Variants in CRACD observed in about 807,000 individuals in gnomAD.
The protein encoded by CRACD is capping protein-inhibiting regulator of actin dynamics.
In CRACD, 56 loss-of-function variants were observed where a neutral mutation model predicts 106.8. That is an observed-to-expected ratio of 0.52 (90% confidence interval 0.42 to 0.66). CRACD has a LOEUF of 0.66. Ranked by LOEUF, CRACD falls within the 30% of genes least tolerant of loss-of-function variation. CRACD has a pLI of 0.00. For missense variants in CRACD, 1,730 were observed against 1,623.2 expected (o/e 1.07, Z -1.13); for synonymous variants, 754 against 670.8 (o/e 1.12, Z -1.92).
At chr4:56,105,082 G>T (rs1263672161) in intron 1 of CRACD, among the ~76,000 whole-genome samples, 1 of 151,860 alleles carries the variant, frequency 6.6e-6, no homozygotes, top group Non-Finnish European at 1.5e-5. Context: ...TCTTTCAAAT[G>T]ACTCTTTACA....
chr4:56,160,135 T>C (rs568496763), intron 1 of CRACD, among the ~76,000 whole-genome samples: 1 of 151,898 alleles, frequency 6.6e-6, no homozygotes, highest in East Asian at 1.9e-4. Context: ...ATTTGTCTAA[T>C]GTAAGCAATT....
chr4:56,249,292 T>C (rs1465469899), intron 2 of CRACD, among the ~76,000 whole-genome samples: 1 of 147,436 alleles, frequency 6.8e-6, no homozygotes, highest in African/African-American at 2.5e-5. Context: ...TGGTATCTCA[T>C]TGTGGTTTTG....
Position 56,280,566 on chromosome 4 carries a change from A to G in CRACD, c.-17+8074A>G, listed in dbSNP as rs568973345. ...CTAAAAGTAAGCTTTGTGACTTGCC[A>G]TTCGTTGTATTTCCCGCCTCTAACG... On this transcript the variant is annotated intron_variant, in intron 3 of 10. Transcript: ENST00000682029. Among the ~76,000 whole-genome samples the G allele has an allele frequency of 1.1e-4, 17 of 152,248 alleles. 1 individual carries two copies. The East Asian group carries it at 2.9e-3, about 26-fold the overall frequency.
At chr4:56,134,205 GA>G (rs67089674) in intron 1 of CRACD, among the ~76,000 whole-genome samples, 29,510 of 138,250 alleles carry the variant, frequency 0.21, 3,107 homozygotes, top group East Asian at 0.41. Flanking sequence ...GTCTCAAAAA[GA>G]AAAAAAAAAA....
intron 10 of CRACD, among the ~76,000 whole-genome samples, chr4:56,324,888 A>C (rs775530376): frequency 5.7e-4 from 87 of 152,364 alleles, no homozygotes; most frequent in Middle Eastern, 3.4e-3. Context: ...TACAAAGTTA[A>C]GTTAAATGTT....
intron 1 of CRACD, among the ~76,000 whole-genome samples, chr4:56,132,539 A>ATAT (rs1734859545): frequency 6.6e-6 from 1 of 152,040 alleles, no homozygotes; most frequent in Non-Finnish European, 1.5e-5. Flanking sequence ...GGGTTTCACC[A>ATAT]TATTGCCCAG....
chr4:56,114,372 TA>T (rs912331921), intron 1 of CRACD, among the ~76,000 whole-genome samples: 1 of 151,614 alleles, frequency 6.6e-6, no homozygotes, highest in Non-Finnish European at 1.5e-5. Flanking sequence ...CTGGCCCCTT[TA>T]AAAAAAACTT....
chr4:56,201,701 AG>A (rs1737888866), intron 2 of CRACD, among the ~76,000 whole-genome samples: 1 of 152,346 alleles, frequency 6.6e-6, no homozygotes, highest in East Asian at 1.9e-4. Flanking sequence ...TTGTTTTTCA[AG>A]TCCATAGAAA....
chr4:56,136,020 A>G (rs1734988149), intron 1 of CRACD, among the ~76,000 whole-genome samples: 1 of 149,382 alleles, frequency 6.7e-6, no homozygotes, highest in African/African-American at 2.5e-5. Flanking sequence ...TACAGTATGT[A>G]CTCTTTTTTT....
intron 4 of CRACD, among the ~76,000 whole-genome samples, chr4:56,300,869 G>A (rs996360134): frequency 2.0e-5 from 3 of 152,150 alleles, no homozygotes; most frequent in Non-Finnish European, 4.4e-5. Flanking sequence ...ACAGTAAGGC[G>A]TGATTTTAAA....
At chr4:56,317,417 A>G (rs1745748028) in intron 8 of CRACD, among the ~76,000 whole-genome samples, 1 of 152,186 alleles carries the variant, frequency 6.6e-6, no homozygotes, top group African/African-American at 2.4e-5. Context: ...GTGTGTCTGC[A>G]GTTCACTCTT....
intron 1 of CRACD, among the ~76,000 whole-genome samples, chr4:56,168,847 T>C (rs1736249487): frequency 6.6e-6 from 1 of 152,088 alleles, no homozygotes; most frequent in Admixed American, 6.5e-5. Context: ...TTTTCCCCCA[T>C]CATACTACTG....
chr4:56,260,208 C>A (rs1369542774), intron 2 of CRACD, among the ~76,000 whole-genome samples: 2 of 152,134 alleles, frequency 1.3e-5, no homozygotes, highest in Non-Finnish European at 2.9e-5. Context: ...TTGTTTTCTT[C>A]CCTTTGTTAT....
chr4:56,122,225 CG>C (rs1734508769), intron 1 of CRACD, among the ~76,000 whole-genome samples: 1 of 148,922 alleles, frequency 6.7e-6, no homozygotes, highest in African/African-American at 2.5e-5. Context: ...AGGAGATTAG[CG>C]ATACTAAATT....
At chr4:56,161,766 C>CTTTT in intron 1 of CRACD, among the ~76,000 whole-genome samples, 1 of 98,902 alleles carries the variant, frequency 1.0e-5, no homozygotes, top group Non-Finnish European at 1.9e-5. Flanking sequence ...AGCCAAAGAG[C>CTTTT]ATTTTTTTTT....
intron 2 of CRACD, among the ~76,000 whole-genome samples, chr4:56,202,717 A>G (rs1481341792): frequency 2.0e-5 from 3 of 152,198 alleles, no homozygotes; most frequent in African/African-American, 7.2e-5. Context: ...TCTAAAGTAT[A>G]TGGAAATAGT....
At position 56,314,554 on chromosome 4, in the gene CRACD, A is replaced by C; in HGVS notation, c.1052A>C (p.Glu351Ala). Residue 351 changes from glutamate to alanine, a missense_variant, in exon 8 of 11, where the codon GAA (glutamate) becomes GCA (alanine). Around this residue, in one of 5 missense-constraint regions of CRACD, gnomAD observed 1,620 missense variants for 1,481.6 expected, o/e 1.09. Coordinates refer to ENST00000682029, the MANE Select transcript of CRACD (RefSeq NM_001393381.1). The surrounding 1 kb of genome is among the most constrained non-coding windows in gnomAD (Gnocchi z 4.4). The stretch of plus-strand genomic sequence containing the variant: ...GAGCGGAGGCGGCAGGAGGAGGAGG[A>C]AGGAAGATGCGCGGAGGAGCTCAAA... ...LEERRRQEEE[E>A]GRCAEELKRQ... is the part of the protein sequence containing the mutation. The C allele has an allele frequency of 6.6e-7, 1 of 1,507,584 alleles. No individual in the cohort carries two copies. Among genetic ancestry groups the C allele is most frequent in the South Asian group, 1.3e-5 (1 of 77,312 alleles). The allele number at this position is 1,507,584 out of a possible 1,614,324, so 93.4% of individuals were successfully genotyped here. A position where few individuals can be genotyped will look rare whatever the true frequency, so the allele number is the denominator to read the frequency against.
intron 1 of CRACD, among the ~76,000 whole-genome samples, chr4:56,049,587 G>T (rs1731799062): frequency 6.6e-6 from 1 of 152,100 alleles, no homozygotes. Context: ...GAGAATATGG[G>T]ACCTCGCCTG....
At chr4:56,060,017 A>G (rs1732218897) in intron 1 of CRACD, among the ~76,000 whole-genome samples, 1 of 152,214 alleles carries the variant, frequency 6.6e-6, no homozygotes, top group South Asian at 2.1e-4. Context: ...AAAATGCAGC[A>G]TTCTTGCATA....
Sources: allele counts gnomAD v4.1 joint callset (sites outside exome capture counted in the v4.1 genomes callset), GRCh38; gene constraint gnomAD v4.1.1; regional missense constraint gnomAD v4.1.1; non-coding constraint Gnocchi (gnomAD v3.1); transcripts MANE v1.5; gene names NCBI Gene and HGNC (gene_info 2026-07-23, HGNC 2026-07-21).